TSPAN18: variants seen among roughly 807,000 people sequenced by gnomAD.
The protein encoded by TSPAN18 is tetraspanin 18, also known as tetraspanin-18.
Under a neutral mutation model 27.3 loss-of-function variants are expected in TSPAN18, and 14 were observed. The ratio of observed to expected loss-of-function variants is 0.51; its 90% confidence interval spans 0.34 to 0.80. The LOEUF is 0.80. Among genes scored for constraint, TSPAN18 ranks in the 30% least tolerant of loss-of-function variants. The pLI, the probability that TSPAN18 is intolerant of heterozygous loss-of-function variation, is 0.01. For synonymous variants in TSPAN18, 143 were observed against 136.5 expected, an observed-to-expected ratio of 1.05 and a Z score of -0.33; for missense variants, 268 against 323.9, an observed-to-expected ratio of 0.83 and a Z score of 1.32.
intron 2 of TSPAN18, among the ~76,000 whole-genome samples, chr11:44,795,348 C>T: frequency 1.1e-5 from 1 of 88,534 alleles, no homozygotes; most frequent in East Asian, 2.1e-4. Flanking sequence ...GATGCCTGCC[C>T]TGGAGCTTCC....
intron 3 of TSPAN18, among the ~76,000 whole-genome samples, chr11:44,894,453 A>C (rs1334828515): frequency 6.6e-6 from 1 of 152,046 alleles, no homozygotes; most frequent in South Asian, 2.1e-4. Context: ...CCTTCTCTCT[A>C]GAAAGCATGC....
intron 7 of TSPAN18, 89 bp from the exon 8 acceptor site, chr11:44,919,728 C>A: frequency 7.5e-7 from 1 of 1,337,888 alleles, no homozygotes; most frequent in Non-Finnish European, 1.1e-6. Context: ...TCTGATGCCA[C>A]TCCTTTGCAG....
intron 1 of TSPAN18, among the ~76,000 whole-genome samples, chr11:44,741,923 C>A (rs1442807584): frequency 6.6e-6 from 1 of 152,196 alleles, no homozygotes; most frequent in African/African-American, 2.4e-5. Flanking sequence ...GCTCTCTCCC[C>A]ACTCCCTTCC....
intron 1 of TSPAN18, among the ~76,000 whole-genome samples, chr11:44,742,839 CAG>C (rs754274393): frequency 1.2e-4 from 19 of 152,364 alleles, no homozygotes; most frequent in Middle Eastern, 6.8e-3. Context: ...CTCCCATTGA[CAG>C]AGACCCTTTC....
At chr11:44,873,107 A>T (rs1858239820) in intron 3 of TSPAN18, among the ~76,000 whole-genome samples, 1 of 152,194 alleles carries the variant, frequency 6.6e-6, no homozygotes, top group Non-Finnish European at 1.5e-5. Flanking sequence ...GCTGGAGGTG[A>T]CAGTATGTGG....
At chr11:44,729,765 C>T (rs1854606850) in intron 1 of TSPAN18, among the ~76,000 whole-genome samples, 2 of 152,144 alleles carry the variant, frequency 1.3e-5, no homozygotes, top group Non-Finnish European at 2.9e-5. Flanking sequence ...AAGGAACCCT[C>T]TGCCCTTTAA....
rs199726243 is a variant in TSPAN18, at chr11:44,902,074, A to G, written c.-10-4333A>G. Among the ~76,000 whole-genome samples the G allele has an allele frequency of 1.1e-4, 16 of 152,336 alleles. No homozygotes were observed. The East Asian group carries it at 2.7e-3, about 26-fold the overall frequency. ...AGAGCTGAAAGGAGAGATGGGTCAG[A>G]ATAGAAAGCTCCGGGGTGCAAGGCA... On this transcript the variant is annotated intron_variant, in intron 3 of 9. Transcript: ENST00000520358.
At chr11:44,765,651 T>C (rs704664) in intron 2 of TSPAN18, among the ~76,000 whole-genome samples, 126,926 of 152,172 alleles carry the variant, frequency 0.83, 54,769 homozygotes, top group Non-Finnish European at 0.94. Context: ...CACATAGCAC[T>C]GAGTAATGTC....
rs1051853405 is a variant in TSPAN18, at chr11:44,814,361, A to G, written c.-152-45967A>G. ...CTTTACAATGAAGACACGTGGCTCC[A>G]TGAAAACTCACTGTCTTGTCTTGAG... On this transcript the variant is annotated intron_variant, in intron 2 of 9. Coordinates refer to ENST00000520358, the MANE Select transcript of TSPAN18 (RefSeq NM_130783.5). Among the ~76,000 whole-genome samples the G allele has an allele frequency of 3.9e-5, 6 of 152,176 alleles. No homozygotes were observed. The South Asian group carries it at 1.0e-3, about 26-fold the overall frequency.
At chr11:44,808,946 A>G (rs1856659291) in intron 2 of TSPAN18, among the ~76,000 whole-genome samples, 1 of 152,142 alleles carries the variant, frequency 6.6e-6, no homozygotes, top group South Asian at 2.1e-4. Context: ...TTCCAGGCTT[A>G]CACCCCCTCG....
intron 1 of TSPAN18, among the ~76,000 whole-genome samples, chr11:44,733,132 C>A (rs780115384): frequency 5.9e-5 from 9 of 152,202 alleles, no homozygotes; most frequent in Non-Finnish European, 1.3e-4. Context: ...CCCAAACCAG[C>A]CCCCAGGGAG....
At chr11:44,899,126 G>T (rs897731279) in intron 3 of TSPAN18, among the ~76,000 whole-genome samples, 1 of 152,158 alleles carries the variant, frequency 6.6e-6, no homozygotes, top group Non-Finnish European at 1.5e-5. Context: ...GTGCTTTCCG[G>T]GTACAAACAG....
At chr11:44,820,576 C>T (rs1034911196) in intron 2 of TSPAN18, among the ~76,000 whole-genome samples, 1 of 152,158 alleles carries the variant, frequency 6.6e-6, no homozygotes, top group African/African-American at 2.4e-5. Flanking sequence ...CTTAAACTTC[C>T]TAAGCCTTGG....
intron 3 of TSPAN18, among the ~76,000 whole-genome samples, chr11:44,893,929 G>C (rs977385268): frequency 6.6e-6 from 1 of 152,162 alleles, no homozygotes; most frequent in Non-Finnish European, 1.5e-5. Context: ...ATCTTGCCTG[G>C]CAAGCCCAGG....
chr11:44,785,485 G>T (rs923207026), intron 2 of TSPAN18, among the ~76,000 whole-genome samples: 1 of 151,042 alleles, frequency 6.6e-6, no homozygotes, highest in African/African-American at 2.4e-5. Flanking sequence ...TTCCCCCCTC[G>T]TACAAAAAAG....
chr11:44,914,795 C>T (rs1028065689), intron 5 of TSPAN18, among the ~76,000 whole-genome samples: 12 of 152,142 alleles, frequency 7.9e-5, no homozygotes, highest in African/African-American at 2.9e-4. Flanking sequence ...ATGAGATGAT[C>T]CATGTAAGAT....
At chr11:44,889,398 C>T (rs1158737288) in intron 3 of TSPAN18, among the ~76,000 whole-genome samples, 1 of 152,178 alleles carries the variant, frequency 6.6e-6, no homozygotes, top group East Asian at 1.9e-4. Flanking sequence ...TTCCCCACCA[C>T]AAACCTCTGG....
chr11:44,780,089 C>T (rs1855903507), intron 2 of TSPAN18, among the ~76,000 whole-genome samples: 1 of 152,100 alleles, frequency 6.6e-6, no homozygotes, highest in Non-Finnish European at 1.5e-5. Flanking sequence ...ACACACCTCT[C>T]CTTCACCACC....
intron 2 of TSPAN18, among the ~76,000 whole-genome samples, chr11:44,828,446 T>C (rs966164950): frequency 6.6e-5 from 10 of 152,118 alleles, no homozygotes; most frequent in African/African-American, 2.4e-4. Flanking sequence ...TATAGGAGGA[T>C]GAAGGGGTGC....
Sources: allele counts gnomAD v4.1 joint callset (sites outside exome capture counted in the v4.1 genomes callset), GRCh38; gene constraint gnomAD v4.1.1; transcripts MANE v1.5; gene names NCBI Gene and HGNC (gene_info 2026-07-23, HGNC 2026-07-21).